The following TTC27 variants were observed in gnomAD, a reference collection of about 807,000 sequenced individuals.
TTC27 encodes the protein tetratricopeptide repeat protein 27.
TTC27 carries 79 observed loss-of-function variants against 115.9 expected under a neutral mutation model. The observed-to-expected ratio is 0.68, with a 90% CI of 0.57 to 0.82. The LOEUF (loss-of-function observed/expected upper bound fraction) is 0.82. Ranked by LOEUF, TTC27 falls within the 40% of genes least tolerant of loss-of-function variation. The probability of loss-of-function intolerance (pLI) is 0.00; values close to 1 mark genes in which losing one functional copy is unlikely to be tolerated. For synonymous variants in TTC27, 401 were observed against 356.0 expected (o/e 1.13, Z -1.42); for missense variants, 1,054 against 993.1 (o/e 1.06, Z -0.82).
chr2:32,665,982 A>G (rs1665760127), intron 6 of TTC27, among the ~76,000 whole-genome samples: 1 of 152,222 alleles, frequency 6.6e-6, no homozygotes, highest in African/African-American at 2.4e-5. Flanking sequence ...AGGTTAATGT[A>G]TGACTTAGAG....
At chr2:32,662,908 G>A (rs958769597) in intron 5 of TTC27, among the ~76,000 whole-genome samples, 4 of 152,124 alleles carry the variant, frequency 2.6e-5, no homozygotes, top group Admixed American at 2.0e-4. Flanking sequence ...TCTCCTATGA[G>A]CATTTAGTGT....
chr2:32,722,618 C>T (rs1487232442), intron 10 of TTC27, among the ~76,000 whole-genome samples: 1 of 152,210 alleles, frequency 6.6e-6, no homozygotes, highest in Non-Finnish European at 1.5e-5. Flanking sequence ...TTTTATCCAC[C>T]ATGCCCTACT....
At position 32,671,282 on chromosome 2, in the gene TTC27, C is replaced by A. The variant is rs547763645; in HGVS notation, c.940-990C>A. ...AATTTTTGTGTATGATTGAGATAAACGTGAAGGGTCATTTTTTTTTCCAAA... is the reference window on the plus strand; with the variant it reads ...AATTTTTGTGTATGATTGAGATAAAAGTGAAGGGTCATTTTTTTTTCCAAA... On this transcript the variant is annotated intron_variant, in intron 7 of 19. Transcript: ENST00000317907. Among the ~76,000 whole-genome samples, 3 of 90,218 alleles carry A rather than the reference C, an allele frequency of 3.3e-5. No homozygotes were observed. In the East Asian group the frequency reaches 1.0e-3, roughly 30 times the overall value. 59.2% of individuals were successfully genotyped at this position (90,218 alleles called of 152,430 possible).
chr2:32,696,575 T>C (rs1666996529), intron 9 of TTC27, among the ~76,000 whole-genome samples: 1 of 152,066 alleles, frequency 6.6e-6, no homozygotes, highest in Admixed American at 6.6e-5. Context: ...ATTACAGGCA[T>C]GAGCCACCAC....
chr2:32,723,717 TC>T, intron 10 of TTC27, among the ~76,000 whole-genome samples: 1 of 30,668 alleles, frequency 3.3e-5, no homozygotes, highest in Non-Finnish European at 5.9e-5. Flanking sequence ...CCTCCCTCCC[TC>T]CCTCCCTCCC....
intron 10 of TTC27, among the ~76,000 whole-genome samples, chr2:32,718,649 T>G (rs984295922): frequency 2.0e-5 from 3 of 152,186 alleles, no homozygotes; most frequent in African/African-American, 7.2e-5. Context: ...GCTGATTGTG[T>G]TGATAGTTAG....
intron 10 of TTC27, 60 bp downstream of exon 10, chr2:32,702,980 A>G (rs1039242820): frequency 1.7e-6 from 2 of 1,170,588 alleles, no homozygotes; most frequent in Non-Finnish European, 2.6e-6. Context: ...ATCAGTAAGC[A>G]TACATGTTTG....
intron 10 of TTC27, among the ~76,000 whole-genome samples, chr2:32,711,252 A>T (rs1667569933): frequency 6.6e-6 from 1 of 152,158 alleles, no homozygotes; most frequent in Non-Finnish European, 1.5e-5. Flanking sequence ...CTGCATTATC[A>T]AGAGAGTTGC....
chr2:32,754,253 A>G (rs1332855693), intron 12 of TTC27, among the ~76,000 whole-genome samples: 17 of 151,562 alleles, frequency 1.1e-4, no homozygotes, highest in Admixed American at 1.1e-3. Flanking sequence ...AAACAAGTGA[A>G]CAAAGGTCTC....
rs1358415310 is a variant in TTC27, at chr2:32,820,882, G to C, written c.2476G>C (p.Asp826His). 1 of 1,542,474 alleles carries C rather than the reference G, an allele frequency of 6.5e-7. No individual in the cohort carries two copies. Among genetic ancestry groups the C allele is most frequent in the Non-Finnish European group, 8.8e-7 (1 of 1,140,964 alleles). The change falls in exon 20 of 20, where the codon GAC (aspartate) becomes CAC (histidine). Residue 826 changes from aspartate (D) to histidine (H), a missense_variant. Transcript: ENST00000317907. ...RELADDITAM[D>H]TLVTELQDLS... ...ATTAGCTGATGACATAACAGCTATG[G>C]ACACCTTAGTGACAGAGCTCCAAGA...
At chr2:32,652,422 A>C (rs1263086204) in intron 5 of TTC27, among the ~76,000 whole-genome samples, 2 of 152,012 alleles carry the variant, frequency 1.3e-5, no homozygotes, top group Admixed American at 1.3e-4. Context: ...AAAGGTAGGA[A>C]CCATATGGTA....
At chr2:32,743,303 C>T (rs1214094313) in intron 12 of TTC27, among the ~76,000 whole-genome samples, 31 of 152,182 alleles carry the variant, frequency 2.0e-4, no homozygotes, top group Admixed American at 2.0e-3. Flanking sequence ...TTCATTCCTT[C>T]TCACTCAAGT....
At chr2:32,656,565 C>T (rs1178214146) in intron 5 of TTC27, among the ~76,000 whole-genome samples, 3 of 152,112 alleles carry the variant, frequency 2.0e-5, no homozygotes, top group Admixed American at 6.6e-5. Flanking sequence ...AGCTAGATCA[C>T]GAGGATGCTG....
At chr2:32,645,865 C>T (rs1048738557) in intron 4 of TTC27, among the ~76,000 whole-genome samples, 5 of 151,626 alleles carry the variant, frequency 3.3e-5, no homozygotes, top group African/African-American at 1.2e-4. Flanking sequence ...TACAGGTATG[C>T]ACCACCAGGC....
chr2:32,760,410 G>A (rs1313022304), intron 13 of TTC27, among the ~76,000 whole-genome samples: 1 of 152,168 alleles, frequency 6.6e-6, no homozygotes, highest in Admixed American at 6.5e-5. Context: ...TTTTGACAGT[G>A]GGGACGTGTG....
At chr2:32,698,183 G>A (rs1572525440) in intron 9 of TTC27, among the ~76,000 whole-genome samples, 1 of 152,136 alleles carries the variant, frequency 6.6e-6, no homozygotes, top group South Asian at 2.1e-4. Context: ...GCCCAGACTG[G>A]AGTGCAGTAG....
At chr2:32,791,894 T>C (rs1422271622) in intron 16 of TTC27, among the ~76,000 whole-genome samples, 1 of 151,982 alleles carries the variant, frequency 6.6e-6, no homozygotes, top group East Asian at 1.9e-4. Flanking sequence ...TGAAATAAAA[T>C]AACAAAATAA....
At chr2:32,790,455 A>G (rs991389675) in intron 16 of TTC27, among the ~76,000 whole-genome samples, 3 of 152,002 alleles carry the variant, frequency 2.0e-5, no homozygotes, top group African/African-American at 7.2e-5. Context: ...TTAATTGGCA[A>G]ACTCTAATTG....
chr2:32,776,805 T>G (rs1670010377), intron 13 of TTC27, among the ~76,000 whole-genome samples: 1 of 152,150 alleles, frequency 6.6e-6, no homozygotes, highest in African/African-American at 2.4e-5. Context: ...GACGGGGGCT[T>G]CACCATGTTG....
Sources: allele counts gnomAD v4.1 joint callset (sites outside exome capture counted in the v4.1 genomes callset), GRCh38; gene constraint gnomAD v4.1.1; transcripts MANE v1.5; gene names NCBI Gene and HGNC (gene_info 2026-07-23, HGNC 2026-07-21).